The following PAXIP1 variants were observed in gnomAD, a reference collection of about 807,000 sequenced individuals.
PAXIP1 encodes the protein PAX interacting protein 1, also known as PAX-interacting protein 1.
In PAXIP1, 19 loss-of-function variants were observed where a neutral mutation model predicts 140.6. That is an observed-to-expected ratio of 0.14 (90% CI 0.09 to 0.20). PAXIP1 has a LOEUF of 0.20. PAXIP1 is among the 10% of genes least tolerant of loss of function. The pLI is 1.00. For synonymous variants in PAXIP1, 442 were observed against 444.6 expected, an observed-to-expected ratio of 0.99 and a Z score of 0.07; for missense variants, 920 against 1,208.6, an observed-to-expected ratio of 0.76 and a Z score of 3.54.
intron 6 of PAXIP1, among the ~76,000 whole-genome samples, chr7:154,971,259 C>T (rs1809307836): frequency 6.6e-6 from 1 of 152,122 alleles, no homozygotes; most frequent in South Asian, 2.1e-4. Flanking sequence ...CACTGCTGAC[C>T]CAGCCCATCC....
Position 154,954,256 on chromosome 7 carries a change from A to T in PAXIP1, c.2820T>A (p.Ile940=). The T allele has an allele frequency of 6.5e-7, 1 of 1,534,868 alleles. No individual in the cohort carries two copies. Among genetic ancestry groups the T allele is most frequent in the Non-Finnish European group, 8.9e-7 (1 of 1,126,822 alleles). The change falls in exon 16 of 21, where the codon ATT becomes ATA. Residue 940 remains isoleucine (I), a splice_region_variant and synonymous_variant. Transcript: ENST00000404141. This position sits in a 1 kb window ranked among gnomAD's most constrained non-coding sequence, Gnocchi z 5.1. ...LEECFRCQKF[I]DEQNYILRDA... is the part of the protein sequence containing the mutation. ...AAAGTTACTGGCGCTGCTCCTTACC[A>T]ATGAACTTCTGACACCTGAAGCATT...
intron 6 of PAXIP1, among the ~76,000 whole-genome samples, chr7:154,972,886 T>A (rs1469072147): frequency 1.3e-5 from 2 of 152,230 alleles, no homozygotes; most frequent in East Asian, 3.9e-4. Flanking sequence ...CTCTAGCCTG[T>A]CATTCTTTAT....
chr7:154,969,732 G>A (rs529723064), intron 6 of PAXIP1, among the ~76,000 whole-genome samples: 3 of 152,300 alleles, frequency 2.0e-5, no homozygotes, highest in South Asian at 4.1e-4. Context: ...GTGAGTCCAA[G>A]AGCCTTTCGC....
chr7:154,991,283 C>G (rs1447691061), intron 3 of PAXIP1, among the ~76,000 whole-genome samples: 1 of 152,122 alleles, frequency 6.6e-6, no homozygotes, highest in Non-Finnish European at 1.5e-5. Context: ...ATTTTGAAAT[C>G]CAATCTCTCC....
chr7:154,988,426 A>C (rs943667243), intron 4 of PAXIP1, among the ~76,000 whole-genome samples: 65 of 152,316 alleles, frequency 4.3e-4, no homozygotes, highest in African/African-American at 1.3e-3. Flanking sequence ...CTACACTATA[A>C]CCTAATTTAT....
At chr7:154,966,918 G>A (rs1042514146) in intron 8 of PAXIP1, among the ~76,000 whole-genome samples, 5 of 152,198 alleles carry the variant, frequency 3.3e-5, no homozygotes, top group Non-Finnish European at 7.3e-5. Context: ...CCTCCTGTCA[G>A]TTTCACCAAT....
At chr7:154,953,827 T>A (rs552273530) in intron 16 of PAXIP1, among the ~76,000 whole-genome samples, 3 of 152,274 alleles carry the variant, frequency 2.0e-5, no homozygotes, top group African/African-American at 7.2e-5. Context: ...CAATGGAAGA[T>A]GGGCAAGAGG....
chr7:154,967,745 AAC>A (rs766926025), intron 8 of PAXIP1, 69 bp downstream of exon 8: 6 of 1,034,010 alleles, frequency 5.8e-6, no homozygotes, highest in East Asian at 2.4e-5. Flanking sequence ...CAGCTAAGTG[AAC>A]ACAGTTACAT....
intron 5 of PAXIP1, among the ~76,000 whole-genome samples, chr7:154,981,247 C>G (rs1391009332): frequency 6.6e-6 from 1 of 152,192 alleles, no homozygotes; most frequent in African/African-American, 2.4e-5. Flanking sequence ...ACGCCGCAAG[C>G]AGCACTGTAC....
chr7:154,996,606 C>G lies in PAXIP1; in HGVS notation c.216+2044G>C, dbSNP rs1810628409. Among the ~76,000 whole-genome samples the G allele has an allele frequency of 2.6e-5, 4 of 152,186 alleles. No homozygotes were observed. In the South Asian group the frequency reaches 8.3e-4, roughly 32 times the overall value. ...ATGTCACCTCACAGCGGCGACCCCA[C>G]TTGTGGGGTATGATATCAATCTGTA... On this transcript the variant is annotated intron_variant, in intron 2 of 20. Coordinates refer to ENST00000404141, the MANE Select transcript of PAXIP1 (RefSeq NM_007349.4).
chr7:154,960,246 T>C (rs1808700952), intron 12 of PAXIP1, among the ~76,000 whole-genome samples: 1 of 152,130 alleles, frequency 6.6e-6, no homozygotes, highest in South Asian at 2.1e-4. Flanking sequence ...TGGGTACACA[T>C]TTCTAGGCCT....
intron 5 of PAXIP1, among the ~76,000 whole-genome samples, chr7:154,980,174 T>G (rs1258868010): frequency 1.3e-5 from 2 of 152,152 alleles, no homozygotes; most frequent in African/African-American, 4.8e-5. Flanking sequence ...GGTATGTACT[T>G]AATTTTCCAG....
In PAXIP1 at chr7:154,954,553, C is replaced by G; in HGVS notation, c.2653-130G>C. ...GACTGTAATTCTCAGCCACAGAAAA[C>G]AGTGTGACAGGTAAAACAAAACCTG... On this transcript the variant is annotated intron_variant, in intron 15 of 20. Transcript: ENST00000404141. This position sits in a 1 kb window ranked among gnomAD's most constrained non-coding sequence, Gnocchi z 5.1. 1 of 520,246 alleles carries G rather than the reference C, an allele frequency of 1.9e-6. No individual in the cohort carries two copies. The highest frequency in any genetic ancestry group is 4.4e-5 in the Admixed American group (1 of 22,912). 32.2% of individuals were successfully genotyped at this position (520,246 alleles called of 1,614,324 possible). A position where few individuals can be genotyped will look rare whatever the true frequency, so the allele number is the denominator to read the frequency against.
intron 6 of PAXIP1, chr7:154,974,479 A>G (rs190784489): frequency 2.0e-5 from 3 of 152,266 alleles, no homozygotes; most frequent in African/African-American, 7.2e-5. Context: ...TTCTTTTCTT[A>G]GAACTCAGCA....
At chr7:154,988,747 T>C (rs1439214022) in intron 4 of PAXIP1, among the ~76,000 whole-genome samples, 1 of 152,200 alleles carries the variant, frequency 6.6e-6, no homozygotes, top group Non-Finnish European at 1.5e-5. Flanking sequence ...TCTCATTCAA[T>C]TGGAATCATT....
At chr7:154,962,257 C>G in intron 10 of PAXIP1, 64 bp downstream of exon 10, 2 of 1,584,900 alleles carry the variant, frequency 1.3e-6, no homozygotes, top group Non-Finnish European at 1.7e-6. Flanking sequence ...TAAGCACTAG[C>G]AAGTGATTAT....
chr7:154,979,304 A>C (rs1809736016), intron 5 of PAXIP1, among the ~76,000 whole-genome samples: 1 of 152,218 alleles, frequency 6.6e-6, no homozygotes, highest in Non-Finnish European at 1.5e-5. Flanking sequence ...AAACTTTTAA[A>C]CTTCAAGAGT....
chr7:154,954,535 A>G lies in PAXIP1; in HGVS notation c.2653-112T>C. On this transcript the variant is annotated intron_variant, in intron 15 of 20. Coordinates refer to ENST00000404141, the MANE Select transcript of PAXIP1 (RefSeq NM_007349.4). This position sits in a 1 kb window ranked among gnomAD's most constrained non-coding sequence, Gnocchi z 5.1. ...CCTAAAGACAAGGTTTATGACTGTA[A>G]TTCTCAGCCACAGAAAACAGTGTGA... The G allele has an allele frequency of 1.6e-6, 1 of 638,976 alleles. No homozygotes were observed. The highest frequency in any genetic ancestry group is 2.3e-6 in the Non-Finnish European group (1 of 432,112). The allele number at this position is 638,976 out of a possible 1,614,324, so 39.6% of individuals were successfully genotyped here. A position where few individuals can be genotyped will look rare whatever the true frequency, so the allele number is the denominator to read the frequency against.
rs1438324957 is a variant in PAXIP1 at position 154,973,510 on chromosome 7, C to T, written c.1074+2186G>A. On this transcript the variant is annotated intron_variant, in intron 6 of 20. Transcript: ENST00000404141. This position sits in a 1 kb window ranked among gnomAD's most constrained non-coding sequence, Gnocchi z 4.0. Reference sequence around the variant, plus strand: ...CTTCTCTCTCTGCTCACCTTCTCCCCCACCATCTTAACTGTCTGCTGTCTA... The same window carrying T: ...CTTCTCTCTCTGCTCACCTTCTCCCTCACCATCTTAACTGTCTGCTGTCTA... Among the ~76,000 whole-genome samples the T allele has an allele frequency of 6.6e-6, 1 of 152,200 alleles. No individual in the cohort carries two copies. The highest frequency in any genetic ancestry group is 1.5e-5 in the Non-Finnish European group (1 of 68,038).
Sources: allele counts gnomAD v4.1 joint callset (sites outside exome capture counted in the v4.1 genomes callset), GRCh38; gene constraint gnomAD v4.1.1; non-coding constraint Gnocchi (gnomAD v3.1); transcripts MANE v1.5; gene names NCBI Gene and HGNC (gene_info 2026-07-23, HGNC 2026-07-21).